COL4A5: variants seen among roughly 807,000 people sequenced by gnomAD.
The protein encoded by COL4A5 is collagen alpha-5(IV) chain.
A neutral mutation model predicts 130.2 loss-of-function variants in COL4A5; 26 were observed. That is an observed-to-expected ratio of 0.20 (90% CI 0.15 to 0.28). COL4A5 has a LOEUF of 0.28. Ranked by LOEUF, COL4A5 falls within the 10% of genes least tolerant of loss-of-function variation. The pLI is 1.00. For missense variants in COL4A5, 1,131 were observed against 1,344.3 expected, an observed-to-expected ratio of 0.84 and a Z score of 2.48; for synonymous variants, 496 against 439.6, an observed-to-expected ratio of 1.13 and a Z score of -1.60.
chrX:108,571,943 T>C (rs1038518541), intron 8 of COL4A5, 106 bp downstream of exon 8: 21 of 661,899 alleles, frequency 3.2e-5, no homozygotes, highest in Middle Eastern at 3.0e-4. Flanking sequence ...TCGATGTTTC[T>C]AGAAGTTGTG....
chrX:108,501,229 T>G (rs1374701187), intron 1 of COL4A5, among the ~76,000 whole-genome samples: 2 of 111,771 alleles, frequency 1.8e-5, no homozygotes, highest in Non-Finnish European at 3.8e-5. Flanking sequence ...ATCACTATTA[T>G]CTAGTGTATA....
At chrX:108,546,053 T>C (rs948485835) in intron 2 of COL4A5, among the ~76,000 whole-genome samples, 1 of 112,178 alleles carries the variant, frequency 8.9e-6, no homozygotes, top group Non-Finnish European at 1.9e-5. Flanking sequence ...GGGTCTTCAC[T>C]CTTTATCCAA....
chrX:108,620,176 A>G (rs2067010119), intron 30 of COL4A5, 83 bp from the exon 31 acceptor site: 14 of 838,398 alleles, frequency 1.7e-5, no homozygotes, highest in Non-Finnish European at 2.3e-5. Context: ...ACAGGGTTCT[A>G]TCACTTGTTT....
chrX:108,531,249 A>T (rs1359950114), intron 1 of COL4A5, among the ~76,000 whole-genome samples: 1 of 95,795 alleles, frequency 1.0e-5, no homozygotes, highest in East Asian at 3.6e-4. Flanking sequence ...TAGGAGATAT[A>T]CCTAATGCTA....
chrX:108,502,734 C>A (rs1017119917), intron 1 of COL4A5, among the ~76,000 whole-genome samples: 16 of 111,469 alleles, frequency 1.4e-4, no homozygotes, highest in South Asian at 7.6e-4. Flanking sequence ...AACTAACACC[C>A]AGGTCAAGAA....
intron 1 of COL4A5, among the ~76,000 whole-genome samples, chrX:108,504,100 C>T (rs920102143): frequency 1.3e-4 from 14 of 111,248 alleles, no homozygotes; most frequent in African/African-American, 2.9e-4. Context: ...TACAACCAAC[C>T]GATCTTCTAT....
Position 108,568,799 on chromosome X carries a change from T to C in COL4A5, c.362T>C (p.Ile121Thr). Reference protein sequence around the residue: ...GHDGAPGPQGIPGCNGTKGER... With the variant: ...GHDGAPGPQGTPGCNGTKGER... Reference sequence around the variant, plus strand: ...GATGGGGCCCCAGGACCTCAAGGTATTCCCGGATGCAATGGAACCAAGGTG... The same window carrying C: ...GATGGGGCCCCAGGACCTCAAGGTACTCCCGGATGCAATGGAACCAAGGTG... The change falls in exon 6 of 53, where the codon ATT becomes ACT. Residue 121 changes from isoleucine (I) to threonine (T), a missense_variant. Transcript: ENST00000328300. 1 of 1,210,734 alleles carries C rather than the reference T, an allele frequency of 8.3e-7. No homozygotes were observed. Among genetic ancestry groups the C allele is most frequent in the Non-Finnish European group, 1.1e-6 (1 of 894,555 alleles).
At chrX:108,589,204 T>A (rs2066390912) in intron 19 of COL4A5, among the ~76,000 whole-genome samples, 1 of 111,294 alleles carries the variant, frequency 9.0e-6, no homozygotes, top group Admixed American at 9.6e-5. Flanking sequence ...ATAATATAAA[T>A]CTTGTTAACT....
At chrX:108,483,435 C>G (rs2064913067) in intron 1 of COL4A5, among the ~76,000 whole-genome samples, 1 of 111,279 alleles carries the variant, frequency 9.0e-6, no homozygotes, top group Admixed American at 9.6e-5. Context: ...AGGCCAATCT[C>G]TCCTTTTCAG....
chrX:108,653,866 G>A lies in COL4A5; in HGVS notation c.3247-1465G>A, dbSNP rs189229414. Reference sequence around the variant, plus strand: ...CAAAATTTAATTGTATACCTATTATGTGCCTCAAAATGAACTAGATATTTG... The same window carrying A: ...CAAAATTTAATTGTATACCTATTATATGCCTCAAAATGAACTAGATATTTG... On this transcript the variant is annotated intron_variant, in intron 36 of 52. Transcript: ENST00000328300. Among the ~76,000 whole-genome samples the A allele has an allele frequency of 9.9e-4, 111 of 111,880 alleles. 1 individual carries two copies. The Admixed American group carries it at 0.01, about 11-fold the overall frequency.
At chrX:108,467,233 A>G (rs1043930490) in intron 1 of COL4A5, among the ~76,000 whole-genome samples, 2 of 111,661 alleles carry the variant, frequency 1.8e-5, no homozygotes, top group Non-Finnish European at 3.8e-5. Context: ...TATTCTTTTA[A>G]ATGTGGATAT....
intron 36 of COL4A5, among the ~76,000 whole-genome samples, chrX:108,642,848 C>CAAAAA (rs35804797): frequency 5.8e-5 from 2 of 34,677 alleles, no homozygotes; most frequent in African/African-American, 7.3e-5. Flanking sequence ...TCCCCCTCTC[C>CAAAAA]AAAAAAAAAA....
chrX:108,549,683 G>A (rs1286001458), intron 2 of COL4A5, among the ~76,000 whole-genome samples: 1 of 110,222 alleles, frequency 9.1e-6, no homozygotes, highest in Non-Finnish European at 1.9e-5. Flanking sequence ...AGCTAGAAAA[G>A]GACAAGCAAA....
chrX:108,631,819 C>T (rs763181603), intron 36 of COL4A5, among the ~76,000 whole-genome samples: 27 of 111,538 alleles, frequency 2.4e-4, no homozygotes, highest in African/African-American at 8.5e-4. Flanking sequence ...CTCTGGGACA[C>T]ATTTAAAGCA....
chrX:108,557,931 A>C (rs1476735483), intron 2 of COL4A5, among the ~76,000 whole-genome samples: 4 of 108,089 alleles, frequency 3.7e-5, no homozygotes, highest in Non-Finnish European at 7.7e-5. Context: ...TTTTATATAT[A>C]TATATATTTT....
Position 108,455,599 on chromosome X carries a change from G to C in COL4A5, c.81+15393G>C, listed in dbSNP as rs1487797348. Among the ~76,000 whole-genome samples the C allele has an allele frequency of 8.9e-5, 10 of 112,182 alleles. No individual in the cohort carries two copies. In the Admixed American group the frequency reaches 9.4e-4, roughly 11 times the overall value. On this transcript the variant is annotated intron_variant, in intron 1 of 52. Transcript: ENST00000328300. The stretch of plus-strand genomic sequence containing the variant: ...CCCGTCCCATTTCAATGTCTTTTGT[G>C]TCTTGTCTGAATAAGCCACAAGGTT...
In COL4A5 at chrX:108,667,202, T is replaced by A. The variant is rs746489621; in HGVS notation, c.3604+19T>A. ...CTTTCTGGTAAACCTTAATAAAACA[T>A]GCTAAATCAATCTATAATAAAATGA... is the stretch of plus-strand genomic sequence containing the variant. On this transcript the variant is annotated intron_variant, in intron 40 of 52. Coordinates refer to ENST00000328300, the MANE Select transcript of COL4A5 (RefSeq NM_033380.3). 2.0e-4 allele frequency: 233 copies of A among 1,166,563 alleles called. No individual in the cohort carries two copies. The highest frequency in any genetic ancestry group is 2.7e-4 in the Non-Finnish European group (232 of 855,474).
At chrX:108,678,950 TA>T (rs746033540) in intron 44 of COL4A5, among the ~76,000 whole-genome samples, 4 of 111,619 alleles carry the variant, frequency 3.6e-5, no homozygotes, top group African/African-American at 1.3e-4. Flanking sequence ...TCGACATTTT[TA>T]AGAAATTGTA....
At chrX:108,636,253 A>G (rs993206864) in intron 36 of COL4A5, among the ~76,000 whole-genome samples, 2 of 112,094 alleles carry the variant, frequency 1.8e-5, no homozygotes, top group South Asian at 7.4e-4. Flanking sequence ...AAATATAAGA[A>G]CTAAACCATA....
Sources: allele counts gnomAD v4.1 joint callset (sites outside exome capture counted in the v4.1 genomes callset), GRCh38; gene constraint gnomAD v4.1.1; transcripts MANE v1.5; gene names NCBI Gene and HGNC (gene_info 2026-07-23, HGNC 2026-07-21).